TEP1: variants seen among roughly 807,000 people sequenced by gnomAD.
TEP1 encodes the protein telomerase protein component 1.
TEP1 carries 241 observed loss-of-function variants against 306.3 expected under a neutral mutation model. The observed-to-expected ratio is 0.79, with a 90% confidence interval of 0.71 to 0.88. The LOEUF is 0.88. Ranked by LOEUF, TEP1 falls within the 40% of genes least tolerant of loss-of-function variation. TEP1 has a pLI of 0.00. For missense variants in TEP1, 3,051 were observed against 3,276.1 expected, an observed-to-expected ratio of 0.93 and a Z score of 1.68; for synonymous variants, 1,289 against 1,305.5, an observed-to-expected ratio of 0.99 and a Z score of 0.27.
chr14:20,377,883 C>G (rs758642351), intron 39 of TEP1, 130 bp from the exon 40 acceptor site: 60 of 1,459,020 alleles, frequency 4.1e-5, no homozygotes, highest in Non-Finnish European at 5.6e-5. Context: ...CCCCTGCACA[C>G]AGCGGCACCC....
chr14:20,373,352 A>G lies in TEP1; in HGVS notation c.6732T>C (p.Ala2244=), dbSNP rs1387269602. 1 of 1,614,220 alleles carries G rather than the reference A, an allele frequency of 6.2e-7. No homozygotes were observed. Residue 2244 remains alanine (A), a synonymous_variant, in exon 47 of 55, where the codon GCT becomes GCC. Transcript: ENST00000262715. ...TGAGGCCTGAGGTTTCTGAAACAGC[A>G]GCAGCACGGACTGGGCCGCTGTGTC... The part of the protein sequence containing the change: ...LLGHSGPVRA[A]AVSETSGLML...
chr14:20,386,143 TC>T lies in TEP1; in HGVS notation c.2913del (p.Ile972PhefsTer33). On this transcript the variant is annotated frameshift_variant, in exon 20 of 55. Transcript: ENST00000262715. LOFTEE classifies it high-confidence loss of function. ...ATGTATCCATAACGGGAGCCCAGAA[TC>T]CCCACAAACAGCTGTGCGTTCTCCA... The part of the protein sequence containing the change: ...GEVENAQLFV[G>X]ILGSRYGYIP... The T allele has an allele frequency of 6.2e-7, 1 of 1,613,334 alleles. No homozygotes were observed. Among genetic ancestry groups the T allele is most frequent in the Non-Finnish European group, 8.5e-7 (1 of 1,179,758 alleles).
In TEP1 at chr14:20,369,358, G is replaced by C; in HGVS notation, c.7642C>G (p.Arg2548Gly). 6.2e-7 allele frequency: 1 copy of C among 1,613,972 alleles called. No individual in the cohort carries two copies. The highest frequency in any genetic ancestry group is 1.1e-5 in the South Asian group (1 of 91,026). The change falls in exon 53 of 55, where the codon CGG (arginine) becomes GGG (glycine). Residue 2548 changes from arginine (R) to glycine (G), a missense_variant. Around this residue, in one of 3 missense-constraint regions of TEP1, gnomAD observed 1,540 missense variants for 1,705.9 expected, o/e 0.90. Transcript: ENST00000262715. The stretch of plus-strand genomic sequence containing the variant: ...TTCAAACTCACCTTTCTACGCTGCC[G>C]TGTCTTTAGATGTGGTGTTGGCTCA... ...DSEPTPHLKT[R>G]QRRKIHSGSV... is the part of the protein sequence containing the mutation.
At position 20,380,467 on chromosome 14, in the gene TEP1, C is replaced by T. The variant is rs1445371229; in HGVS notation, c.4771G>A (p.Val1591Ile). The stretch of plus-strand genomic sequence containing the variant: ...GGGAGCTTTTGTTCCTCTTTGGGGA[C>T]TGAAGAAGCTATAAAAGGGTGGCAG... ...LEAHALYASSVPKEEQKLPEA... is the reference protein window; with the variant it reads ...LEAHALYASSIPKEEQKLPEA... The change falls in exon 34 of 55, where the codon GTC becomes ATC. Residue 1591 changes from valine to isoleucine, a missense_variant. Around this residue, in one of 3 missense-constraint regions of TEP1, gnomAD observed 1,540 missense variants for 1,705.9 expected, o/e 0.90. Coordinates refer to ENST00000262715, the MANE Select transcript of TEP1 (RefSeq NM_007110.5). 1.2e-6 allele frequency: 2 copies of T among 1,612,002 alleles called. No homozygotes were observed. Among genetic ancestry groups the T allele is most frequent in the Non-Finnish European group, 1.7e-6 (2 of 1,179,584 alleles).
chr14:20,381,031 G>T lies in TEP1; in HGVS notation c.4662C>A (p.Asn1554Lys), dbSNP rs1472880350. 8 of 1,613,948 alleles carry T rather than the reference G, an allele frequency of 5.0e-6. No homozygotes were observed. Reference sequence around the variant, plus strand: ...TAAGGAACTTCGAAAGAAGTCCACGGTTCCCGCTCTGGAGCTGAGAAGGTC... The same window carrying T: ...TAAGGAACTTCGAAAGAAGTCCACGTTTCCCGCTCTGGAGCTGAGAAGGTC... ...DLPYHLLQSG[N>K]RGLLSKFLTN... The change falls in exon 33 of 55, where the codon AAC (asparagine) becomes AAA (lysine). Residue 1554 changes from asparagine to lysine, a missense_variant. Transcript: ENST00000262715. The surrounding 1 kb of genome is among the most constrained non-coding windows in gnomAD (Gnocchi z 4.0).
intron 44 of TEP1, among the ~76,000 whole-genome samples, 178 bp from the exon 45 acceptor site, chr14:20,373,988 T>C (rs1255377320): frequency 6.6e-6 from 1 of 152,160 alleles, no homozygotes; most frequent in East Asian, 1.9e-4. Flanking sequence ...CTCAAGTTCA[T>C]GATACCAAGA....
chr14:20,378,104 G>A lies in TEP1; in HGVS notation c.5641C>T (p.Pro1881Ser), dbSNP rs1885303694. The A allele has an allele frequency of 6.2e-7, 1 of 1,613,942 alleles. No individual in the cohort carries two copies. ...GCAGCAACAAAGCCATGGTGGGCAGGGAAGGCAGCCAGCCGTGCCCCTTCT... is the reference window on the plus strand; with the variant it reads ...GCAGCAACAAAGCCATGGTGGGCAGAGAAGGCAGCCAGCCGTGCCCCTTCT... Reference protein sequence around the residue: ...WREGARLAAFPAHHGFVAAAL... With the variant: ...WREGARLAAFSAHHGFVAAAL... Residue 1881 changes from proline to serine, a missense_variant, in exon 39 of 55, where the codon CCT (proline) becomes TCT (serine). Coordinates refer to ENST00000262715, the MANE Select transcript of TEP1 (RefSeq NM_007110.5).
At chr14:20,394,687 C>G (rs1202137460) in intron 12 of TEP1, among the ~76,000 whole-genome samples, 1 of 152,076 alleles carries the variant, frequency 6.6e-6, no homozygotes, top group Non-Finnish European at 1.5e-5. Flanking sequence ...ACCATGTTGG[C>G]CAGGCTAGTC....
Position 20,378,222 on chromosome 14 carries a change from G to C in TEP1, c.5523C>G (p.Pro1841=). 1 of 1,613,464 alleles carries C rather than the reference G, an allele frequency of 6.2e-7. No homozygotes were observed. Among genetic ancestry groups the C allele is most frequent in the Non-Finnish European group, 8.5e-7 (1 of 1,180,036 alleles). ...AGGCCAAGGTACGGATAGAGGCTCC[G>C]GGTGCCCCCAGGTCCTACACAGGGA... ...GLKVTKDLGA[P]GASIRTLAFN... Residue 1841 remains proline (P), a synonymous_variant, in exon 39 of 55, where the codon CCC becomes CCG. Coordinates refer to ENST00000262715, the MANE Select transcript of TEP1 (RefSeq NM_007110.5).
chr14:20,389,171 G>T, intron 17 of TEP1, 67 bp downstream of exon 17: 2 of 1,389,330 alleles, frequency 1.4e-6, no homozygotes, highest in South Asian at 1.2e-5. Flanking sequence ...AGTGACTGGA[G>T]TAGAGATAAT....
At position 20,384,031 on chromosome 14, in the gene TEP1, T is replaced by G; in HGVS notation, c.3534+7A>C. 1.3e-6 allele frequency: 2 copies of G among 1,597,512 alleles called. No homozygotes were observed. Among genetic ancestry groups the G allele is most frequent in the Non-Finnish European group, 1.7e-6 (2 of 1,171,534 alleles). On this transcript the variant is annotated splice_region_variant and intron_variant, in intron 24 of 54. Transcript: ENST00000262715. ...TCCCTCCTGCCCAGGCCCCTGAGAC[T>G]CTGTACCAGGAAGGCTGTCTTGCCC...
chr14:20,381,054 G>A lies in TEP1; in HGVS notation c.4648-9C>T. The A allele has an allele frequency of 6.2e-7, 1 of 1,610,528 alleles. No individual in the cohort carries two copies. The highest frequency in any genetic ancestry group is 8.5e-7 in the Non-Finnish European group (1 of 1,176,716). On this transcript the variant is annotated splice_polypyrimidine_tract_variant and intron_variant, in intron 32 of 54. Coordinates refer to ENST00000262715, the MANE Select transcript of TEP1 (RefSeq NM_007110.5). This position sits in a 1 kb window ranked among gnomAD's most constrained non-coding sequence, Gnocchi z 4.0. ...CGGTTCCCGCTCTGGAGCTGAGAAG[G>A]TCAGATTGAATTCATTAGGGATATG...
chr14:20,408,311 ATC>A lies in TEP1; in HGVS notation c.127_128del (p.Asp43TyrfsTer14). 1 of 1,612,448 alleles carries A rather than the reference ATC, an allele frequency of 6.2e-7. No individual in the cohort carries two copies. Among genetic ancestry groups the A allele is most frequent in the Non-Finnish European group, 8.5e-7 (1 of 1,179,810 alleles). On this transcript the variant is annotated frameshift_variant, in exon 2 of 55. Coordinates refer to ENST00000262715, the MANE Select transcript of TEP1 (RefSeq NM_007110.5). LOFTEE classifies it high-confidence loss of function. ...KLHQHVSTHS[D>X]ILSLKNQCLA... ...GGCACTGGTTCTTCAAGGAGAGGAT[ATC>A]TGAGTGGGTAGATACATGCTGATGT...
intron 18 of TEP1, among the ~76,000 whole-genome samples, chr14:20,387,530 C>A (rs112882241): frequency 8.2e-5 from 11 of 133,668 alleles, no homozygotes; most frequent in African/African-American, 3.1e-4. Context: ...CCAGACTGGG[C>A]GACACAGCGA....
intron 11 of TEP1, 113 bp from the exon 12 acceptor site, chr14:20,395,740 G>T: frequency 6.7e-7 from 1 of 1,495,120 alleles, no homozygotes; most frequent in Non-Finnish European, 9.2e-7. Context: ...CCTGACCTCT[G>T]CCCCCCACCC....
Position 20,408,080 on chromosome 14 carries a change from G to T in TEP1, c.360C>A (p.Ser120Arg), listed in dbSNP as rs751319771. The T allele has an allele frequency of 6.2e-7, 1 of 1,614,174 alleles. No homozygotes were observed. The highest frequency in any genetic ancestry group is 8.5e-7 in the Non-Finnish European group (1 of 1,180,026). The change falls in exon 2 of 55, where the codon AGC becomes AGA. Residue 120 changes from serine (S) to arginine (R), a missense_variant. Coordinates refer to ENST00000262715, the MANE Select transcript of TEP1 (RefSeq NM_007110.5). Reference protein sequence around the residue: ...RCLATLSSLKSTVSASPLFQS... With the variant: ...RCLATLSSLKRTVSASPLFQS... ...GGAACAAGGGGCTGGCAGACACAGT[G>T]CTCTTTAGACTAGAGAGGGTGGCCA...
In TEP1 at chr14:20,401,426, T is replaced by C. The variant is rs1429743966; in HGVS notation, c.1391+31A>G. Reference sequence around the variant, plus strand: ...TTGAAAAGTTAAGGAATTACTTAGATGGAATGCATGCTCAGGGTGCAGCTT... The same window carrying C: ...TTGAAAAGTTAAGGAATTACTTAGACGGAATGCATGCTCAGGGTGCAGCTT... On this transcript the variant is annotated intron_variant, in intron 8 of 54. Transcript: ENST00000262715. 5.0e-6 allele frequency: 8 copies of C among 1,611,534 alleles called. No homozygotes were observed. In the Admixed American group the frequency reaches 8.4e-5, roughly 17 times the overall value.
chr14:20,411,368 T>A (rs1879671353), intron 1 of TEP1, among the ~76,000 whole-genome samples: 1 of 152,206 alleles, frequency 6.6e-6, no homozygotes, highest in Admixed American at 6.5e-5. Context: ...GAACACTCTT[T>A]CTTCTACCAA....
chr14:20,410,802 G>GTTTTTTTTTTTTTTTTT (rs61662364), intron 1 of TEP1, among the ~76,000 whole-genome samples: 17 of 25,224 alleles, frequency 6.7e-4, no homozygotes, highest in East Asian at 1.2e-3. Flanking sequence ...CTCCTTTGTG[G>GTTTTTTTTTTTTTTTTT]TTTTTTTTTT....
Sources: gnomAD v4.1 joint callset for allele counts (sites outside exome capture counted in the v4.1 genomes callset) on GRCh38, gnomAD v4.1.1 for gene constraint, gnomAD v4.1.1 regional missense constraint, Gnocchi (gnomAD v3.1) non-coding constraint, MANE v1.5 for transcripts, NCBI Gene and HGNC (gene_info 2026-07-23, HGNC 2026-07-21) for gene names.